Variants in ECHDC1 observed in about 807,000 individuals in gnomAD.
The protein encoded by ECHDC1 is ethylmalonyl-CoA decarboxylase.
In ECHDC1, 29 loss-of-function variants were observed where a neutral mutation model predicts 29.7. The observed-to-expected ratio is 0.98, with a 90% CI of 0.73 to 1.33. The LOEUF (loss-of-function observed/expected upper bound fraction) is 1.33, where lower values mean the gene tolerates loss of function less well. Ranked by LOEUF, ECHDC1 falls within the 40% of genes most tolerant of loss-of-function variation. The probability of loss-of-function intolerance (pLI) is 0.00; values close to 1 mark genes in which losing one functional copy is unlikely to be tolerated. For synonymous variants in ECHDC1, 126 were observed against 123.1 expected, an observed-to-expected ratio of 1.02 and a Z score of -0.15; for missense variants, 328 against 350.0, an observed-to-expected ratio of 0.94 and a Z score of 0.50.
chr6:127,323,438 C>T (rs565025065), intron 3 of ECHDC1, among the ~76,000 whole-genome samples: 139 of 152,190 alleles, frequency 9.1e-4, no homozygotes, highest in African/African-American at 3.2e-3. Context: ...ATAATGTTTA[C>T]TAATCTCAAG....
At chr6:127,300,741 G>T (rs1780993440) in intron 5 of ECHDC1, among the ~76,000 whole-genome samples, 1 of 152,128 alleles carries the variant, frequency 6.6e-6, no homozygotes, top group Admixed American at 6.5e-5. Flanking sequence ...TCCTCCCCTA[G>T]AGTCTTCAGA....
At chr6:127,329,713 T>C in intron 2 of ECHDC1, 1 of 270,758 alleles carries the variant, frequency 3.7e-6, no homozygotes, top group Non-Finnish European at 7.4e-6. Context: ...TTGAAAAAAA[T>C]ATTTTGGATA....
chr6:127,340,793 C>A (rs1318146758), intron 1 of ECHDC1, among the ~76,000 whole-genome samples: 4 of 150,334 alleles, frequency 2.7e-5, no homozygotes, highest in Non-Finnish European at 5.9e-5. Flanking sequence ...GAGGAAGAAA[C>A]AAGGAGTTAA....
At chr6:127,306,761 C>T (rs1483679108) in intron 5 of ECHDC1, among the ~76,000 whole-genome samples, 1 of 152,136 alleles carries the variant, frequency 6.6e-6, no homozygotes, top group African/African-American at 2.4e-5. Context: ...CAGCACTGGA[C>T]AGATCTTAGA....
intron 3 of ECHDC1, among the ~76,000 whole-genome samples, chr6:127,317,199 A>C (rs532503905): frequency 6.6e-6 from 1 of 152,024 alleles, no homozygotes; most frequent in Admixed American, 6.6e-5. Flanking sequence ...AGCAACATTT[A>C]CACACCTGGT....
intron 5 of ECHDC1, among the ~76,000 whole-genome samples, chr6:127,314,154 T>C (rs554027379): frequency 8.8e-4 from 134 of 152,362 alleles, no homozygotes; most frequent in South Asian, 3.1e-3. Flanking sequence ...GAGCATTGTA[T>C]TGGTCTCCTT....
rs1400645232 is a variant in ECHDC1, at chr6:127,299,690, A to G, written c.498-9413T>C. Among the ~76,000 whole-genome samples the G allele has an allele frequency of 2.0e-5, 3 of 152,146 alleles. No homozygotes were observed. The East Asian group carries it at 5.8e-4, about 29-fold the overall frequency. On this transcript the variant is annotated intron_variant, in intron 5 of 5. Transcript: ENST00000454859. ...GAAGGACCTGCCTGAGGCTGTTTAC[A>G]TTTAATTTTTTATGTGTAAAAGTAA...
intron 3 of ECHDC1, among the ~76,000 whole-genome samples, chr6:127,325,312 T>C (rs1162482935): frequency 6.6e-6 from 1 of 152,174 alleles, no homozygotes; most frequent in Non-Finnish European, 1.5e-5. Flanking sequence ...AAGAGGAATC[T>C]GAAACAATGA....
chr6:127,306,616 A>C (rs561454803), intron 5 of ECHDC1, among the ~76,000 whole-genome samples: 40 of 152,184 alleles, frequency 2.6e-4, no homozygotes, highest in African/African-American at 7.5e-4. Flanking sequence ...TTCTGCCATG[A>C]GTGTACATTT....
At chr6:127,290,546 T>C (rs1459176368) in intron 5 of ECHDC1, among the ~76,000 whole-genome samples, 1 of 152,070 alleles carries the variant, frequency 6.6e-6, no homozygotes, top group African/African-American at 2.4e-5. Context: ...TTGATCTTTC[T>C]TAAGTGAGTG....
chr6:127,315,035 G>C (rs1252056113), intron 4 of ECHDC1, 139 bp from the exon 5 acceptor site: 1 of 775,786 alleles, frequency 1.3e-6, no homozygotes, highest in Admixed American at 2.0e-5. Flanking sequence ...CACATCAAAG[G>C]ATAGCAGAAG....
rs144534518 is a variant in ECHDC1, at chr6:127,330,826, C to T, written c.203G>A (p.Arg68Lys). 624 of 1,613,748 alleles carry T rather than the reference C, an allele frequency of 3.9e-4. No homozygotes were observed. The African/African-American group carries it at 7.5e-3, about 20-fold the overall frequency. The change falls in exon 2 of 6, where the codon AGA becomes AAA. Residue 68 changes from arginine (R) to lysine (K), a missense_variant. By Grantham distance (26) the Arg-to-Lys change is conservative. Transcript: ENST00000454859. The part of the protein sequence containing the change: ...IGILTLNNPS[R>K]MNAFSGVMML... ...CCTAATACCTGAAAAGGCATTCATT[C>T]TACTTGGATTGTTCAGAGTAAGAAT...
rs771089820 is a variant in ECHDC1 at position 127,325,585 on chromosome 6, T to TTTA, written c.363+1414_363+1416dup. ...CCTCCCAAAGTTTCCTCCCACCCCT[T>TTTA]TTATTATTATTATTATTAACTTTGT... is the stretch of plus-strand genomic sequence containing the variant. On this transcript the variant is annotated intron_variant, in intron 3 of 5. Transcript: ENST00000454859. Among the ~76,000 whole-genome samples, 154 of 151,862 alleles carry TTTA rather than the reference T, an allele frequency of 1.0e-3. 2 individuals carry two copies. Among genetic ancestry groups the TTTA allele is most frequent in the African/African-American group, 3.5e-3 (145 of 41,400 alleles).
chr6:127,297,591 A>T (rs1780710953), intron 5 of ECHDC1, among the ~76,000 whole-genome samples: 1 of 152,178 alleles, frequency 6.6e-6, no homozygotes, highest in Non-Finnish European at 1.5e-5. Context: ...CCTTTGTGTG[A>T]TTAGCGGGCT....
At chr6:127,311,832 T>G (rs894988169) in intron 5 of ECHDC1, among the ~76,000 whole-genome samples, 2 of 148,924 alleles carry the variant, frequency 1.3e-5, no homozygotes, top group African/African-American at 4.9e-5. Context: ...AAAAACTGAA[T>G]GAGGTCTGTA....
chr6:127,319,877 T>C (rs1463430067), intron 3 of ECHDC1, among the ~76,000 whole-genome samples: 3 of 152,188 alleles, frequency 2.0e-5, no homozygotes, highest in Non-Finnish European at 4.4e-5. Flanking sequence ...TAACATCATA[T>C]GTACTCTAAG....
intron 3 of ECHDC1, among the ~76,000 whole-genome samples, chr6:127,324,364 T>C (rs2114655204): frequency 6.6e-6 from 1 of 152,328 alleles, no homozygotes; most frequent in African/African-American, 2.4e-5. Context: ...AGATTTTATA[T>C]ATCCCATGGA....
intron 5 of ECHDC1, among the ~76,000 whole-genome samples, chr6:127,293,604 TATAG>T (rs918062781): frequency 2.8e-4 from 42 of 152,324 alleles, no homozygotes; most frequent in African/African-American, 8.7e-4. Flanking sequence ...ACAATTCTTT[TATAG>T]ATAGAGTGTG....
intron 5 of ECHDC1, among the ~76,000 whole-genome samples, chr6:127,293,855 C>A (rs7775493): frequency 0.73 from 111,028 of 151,954 alleles, 40,726 homozygotes; most frequent in East Asian, 0.78. Flanking sequence ...GACTAAAATC[C>A]CATAATCTCT....
Sources: allele counts gnomAD v4.1 joint callset (sites outside exome capture counted in the v4.1 genomes callset), GRCh38; gene constraint gnomAD v4.1.1; transcripts MANE v1.5; gene names NCBI Gene and HGNC (gene_info 2026-07-23, HGNC 2026-07-21).